The following WDR59 variants were observed in gnomAD, a reference collection of about 807,000 sequenced individuals.
The protein encoded by WDR59 is GATOR2 complex protein WDR59.
In WDR59, 100 loss-of-function variants were observed where a neutral mutation model predicts 131.2. That is an observed-to-expected ratio of 0.76 (90% CI 0.65 to 0.90). WDR59 has a LOEUF of 0.90. WDR59 is among the 40% of genes least tolerant of loss of function. The probability of loss-of-function intolerance (pLI) is 0.00; values close to 1 mark genes in which losing one functional copy is unlikely to be tolerated. For missense variants in WDR59, 1,203 were observed against 1,262.2 expected, an observed-to-expected ratio of 0.95 and a Z score of 0.71; for synonymous variants, 601 against 466.2, an observed-to-expected ratio of 1.29 and a Z score of -3.72.
intron 8 of WDR59, among the ~76,000 whole-genome samples, chr16:74,925,757 A>G (rs1449227069): frequency 6.7e-6 from 1 of 149,412 alleles, no homozygotes; most frequent in East Asian, 1.9e-4. Context: ...ATGCTCGTAC[A>G]GTGGCTCATG....
At chr16:74,936,898 C>G (rs1461897141) in intron 8 of WDR59, among the ~76,000 whole-genome samples, 1 of 152,056 alleles carries the variant, frequency 6.6e-6, no homozygotes, top group African/African-American at 2.4e-5. Flanking sequence ...TCACATCTGA[C>G]ACATTAAAAA....
At chr16:74,954,877 T>C (rs2033203366) in intron 3 of WDR59, among the ~76,000 whole-genome samples, 1 of 152,204 alleles carries the variant, frequency 6.6e-6, no homozygotes, top group Non-Finnish European at 1.5e-5. Flanking sequence ...CCACTTGTTT[T>C]ATGATTTCAT....
rs150571085 is a variant in WDR59 at position 74,956,322 on chromosome 16, G to A, written c.240+153C>T. ...GAGCATTCCCACGTATATTTAATCC[G>A]TAACTTGCCTCTGTCTTTTTCTCAG... On this transcript the variant is annotated intron_variant, in intron 3 of 25. Coordinates refer to ENST00000262144, the MANE Select transcript of WDR59 (RefSeq NM_030581.4). 8.1e-4 allele frequency among the ~76,000 whole-genome samples: 124 copies of A among 152,186 alleles called. 1 individual carries two copies. The highest frequency in any genetic ancestry group is 2.8e-3 in the African/African-American group (117 of 41,520).
At chr16:74,952,445 C>CA (rs61448932) in intron 3 of WDR59, among the ~76,000 whole-genome samples, 3,950 of 62,812 alleles carry the variant, frequency 0.063, 111 homozygotes, top group African/African-American at 0.1. Context: ...CCATCTCAAA[C>CA]AAAAAAAAAA....
intron 14 of WDR59, among the ~76,000 whole-genome samples, chr16:74,911,155 C>T (rs1597696035): frequency 1.3e-5 from 2 of 152,212 alleles, no homozygotes; most frequent in South Asian, 4.1e-4. Context: ...TGAGCCACCG[C>T]ACCCGGAAAA....
At chr16:74,923,234 G>C (rs1267472462) in intron 9 of WDR59, among the ~76,000 whole-genome samples, 1 of 152,226 alleles carries the variant, frequency 6.6e-6, no homozygotes, top group East Asian at 1.9e-4. Context: ...CAAATGGCTT[G>C]CCCAAGGCCA....
intron 19 of WDR59, 116 bp downstream of exon 19, chr16:74,893,563 A>G: frequency 8.7e-7 from 1 of 1,146,186 alleles, no homozygotes; most frequent in Non-Finnish European, 1.2e-6. Context: ...AAGCTAATAC[A>G]TTGGGCTTTT....
At chr16:74,926,209 A>T (rs1270658826) in intron 8 of WDR59, among the ~76,000 whole-genome samples, 1 of 151,824 alleles carries the variant, frequency 6.6e-6, no homozygotes, top group African/African-American at 2.4e-5. Flanking sequence ...ACAGGCACGC[A>T]CCACCACGCC....
At chr16:74,899,904 A>G (rs753105432) in intron 18 of WDR59, 18 of 539,504 alleles carry the variant, frequency 3.3e-5, no homozygotes, top group East Asian at 7.0e-5. Flanking sequence ...GGGAACGACT[A>G]AAAAATCTGA....
At chr16:74,963,550 G>C (rs1423035710) in intron 2 of WDR59, among the ~76,000 whole-genome samples, 1 of 151,450 alleles carries the variant, frequency 6.6e-6, no homozygotes, top group Non-Finnish European at 1.5e-5. Context: ...GAAAACACAT[G>C]GACACAGGGA....
intron 17 of WDR59, among the ~76,000 whole-genome samples, chr16:74,906,057 G>A (rs1182240942): frequency 2.6e-5 from 4 of 151,754 alleles, no homozygotes; most frequent in South Asian, 2.1e-4. Context: ...GCTCACGCCT[G>A]TAATCCCAGC....
chr16:74,907,801 G>A (rs1408617905), intron 17 of WDR59, among the ~76,000 whole-genome samples: 3 of 152,278 alleles, frequency 2.0e-5, no homozygotes, highest in Non-Finnish European at 2.9e-5. Context: ...GTACCAGGTG[G>A]TGTTTTAAAC....
chr16:74,970,059 G>A (rs1265710094), intron 1 of WDR59, among the ~76,000 whole-genome samples: 1 of 152,138 alleles, frequency 6.6e-6, no homozygotes, highest in African/African-American at 2.4e-5. Context: ...AAATACCTGG[G>A]ACCACAGGCG....
chr16:74,949,344 A>G (rs1313749518), intron 5 of WDR59, among the ~76,000 whole-genome samples: 2 of 149,060 alleles, frequency 1.3e-5, no homozygotes, highest in Non-Finnish European at 3.0e-5. Flanking sequence ...AAAAAAAAAA[A>G]AAAAAAAAAA....
At chr16:74,889,528 G>T in intron 21 of WDR59, 175 bp downstream of exon 21, 1 of 588,162 alleles carries the variant, frequency 1.7e-6, no homozygotes, top group Non-Finnish European at 3.0e-6. Flanking sequence ...GGTTCTGTCT[G>T]CTATAAGAAG....
At chr16:74,958,677 TCCC>T (rs1417969664) in intron 2 of WDR59, among the ~76,000 whole-genome samples, 1 of 146,568 alleles carries the variant, frequency 6.8e-6, no homozygotes, top group Non-Finnish European at 1.5e-5. Context: ...GCAAGTTGCT[TCCC>T]CCCAACTGGA....
At chr16:74,937,650 C>T (rs376053723) in intron 8 of WDR59, among the ~76,000 whole-genome samples, 4 of 151,972 alleles carry the variant, frequency 2.6e-5, no homozygotes, top group East Asian at 1.9e-4. Flanking sequence ...TACAGGTGTG[C>T]GCCACCACAC....
chr16:74,942,614 GT>G, intron 7 of WDR59, 123 bp downstream of exon 7: 1 of 858,600 alleles, frequency 1.2e-6, no homozygotes, highest in South Asian at 1.5e-5. Context: ...GCTTAAAATG[GT>G]CATTTACCAT....
chr16:74,908,768 T>C, intron 17 of WDR59, 140 bp downstream of exon 17: 1 of 619,812 alleles, frequency 1.6e-6, no homozygotes, highest in Non-Finnish European at 2.8e-6. Flanking sequence ...ACTTCAATCT[T>C]TCTCAAATAA....
Sources: gnomAD v4.1 joint callset for allele counts (sites outside exome capture counted in the v4.1 genomes callset) on GRCh38, gnomAD v4.1.1 for gene constraint, MANE v1.5 for transcripts, NCBI Gene and HGNC (gene_info 2026-07-23, HGNC 2026-07-21) for gene names.